Variants in SEMA6D observed in about 807,000 individuals in gnomAD.
The protein encoded by SEMA6D is semaphorin-6D.
In SEMA6D, 35 loss-of-function variants were observed where a neutral mutation model predicts 106.6. That is an observed-to-expected ratio of 0.33 (90% CI 0.25 to 0.44). The LOEUF (loss-of-function observed/expected upper bound fraction) is 0.44. Ranked by LOEUF, SEMA6D falls within the 20% of genes least tolerant of loss-of-function variation. The pLI, the probability that SEMA6D is intolerant of heterozygous loss-of-function variation, is 1.00. For synonymous variants in SEMA6D, 499 were observed against 487.7 expected (o/e 1.02, Z -0.31); for missense variants, 1,185 against 1,345.9 (o/e 0.88, Z 1.87).
At chr15:47,227,143 C>T (rs1356313212) in intron 1 of SEMA6D, among the ~76,000 whole-genome samples, 1 of 152,014 alleles carries the variant, frequency 6.6e-6, no homozygotes, top group African/African-American at 2.4e-5. Flanking sequence ...ATCATCAGGG[C>T]ATCATTGTAT....
At chr15:47,591,401 T>G (rs1247406475) in intron 3 of SEMA6D, among the ~76,000 whole-genome samples, 1 of 152,124 alleles carries the variant, frequency 6.6e-6, no homozygotes, top group Non-Finnish European at 1.5e-5. Flanking sequence ...GTCCAGAGGC[T>G]TCTCCACATG....
intron 1 of SEMA6D, among the ~76,000 whole-genome samples, chr15:47,278,991 G>C (rs1022615088): frequency 3.5e-5 from 5 of 142,796 alleles, no homozygotes; most frequent in Non-Finnish European, 4.5e-5. Flanking sequence ...TTTGGCACCA[G>C]TACCATGCTG....
intron 1 of SEMA6D, chr15:47,730,218 G>A (rs1596825760): frequency 3.2e-6 from 5 of 1,539,464 alleles, no homozygotes; most frequent in Middle Eastern, 2.3e-4. Flanking sequence ...TTAGGATCCA[G>A]GACGTTGCCG....
intron 4 of SEMA6D, among the ~76,000 whole-genome samples, chr15:47,668,532 G>C (rs1295703546): frequency 1.3e-5 from 2 of 152,096 alleles, no homozygotes; most frequent in Admixed American, 6.6e-5. Context: ...GTCCACCCTA[G>C]CTTCCATTCC....
chr15:47,586,650 A>G (rs927877292), intron 3 of SEMA6D, among the ~76,000 whole-genome samples: 1 of 152,146 alleles, frequency 6.6e-6, no homozygotes, highest in Non-Finnish European at 1.5e-5. Flanking sequence ...AGCATTTTAC[A>G]ATGGAGTTCT....
intron 1 of SEMA6D, among the ~76,000 whole-genome samples, chr15:47,257,385 C>T (rs571810417): frequency 6.6e-6 from 1 of 152,270 alleles, no homozygotes; most frequent in Admixed American, 6.5e-5. Flanking sequence ...TAGGTAGGAA[C>T]TTCAATTATT....
chr15:47,198,719 C>T (rs963216126), intron 1 of SEMA6D, among the ~76,000 whole-genome samples: 2 of 152,048 alleles, frequency 1.3e-5, no homozygotes, highest in African/African-American at 4.8e-5. Context: ...AGCAAGAGAA[C>T]CAGGATTCAA....
intron 1 of SEMA6D, among the ~76,000 whole-genome samples, chr15:47,311,984 G>T (rs1358715060): frequency 1.3e-4 from 20 of 152,118 alleles, no homozygotes; most frequent in Admixed American, 1.3e-3. Context: ...ATCCAGTATA[G>T]CACCTTACTG....
chr15:47,604,818 T>A (rs955913390), intron 4 of SEMA6D, among the ~76,000 whole-genome samples: 3 of 151,938 alleles, frequency 2.0e-5, no homozygotes, highest in Non-Finnish European at 4.4e-5. Flanking sequence ...TGCCTCAGTC[T>A]CCCGAGTAGC....
chr15:47,754,051 A>G (rs773022953), intron 1 of SEMA6D, among the ~76,000 whole-genome samples: 12 of 152,158 alleles, frequency 7.9e-5, no homozygotes, highest in Admixed American at 1.3e-4. Context: ...CACTTTCTCT[A>G]TCTGGGATTC....
chr15:47,288,559 C>A (rs911314123), intron 1 of SEMA6D, among the ~76,000 whole-genome samples: 1 of 152,140 alleles, frequency 6.6e-6, no homozygotes, highest in African/African-American at 2.4e-5. Context: ...GTCTGGTTAT[C>A]CCTCCACAGA....
intron 3 of SEMA6D, among the ~76,000 whole-genome samples, chr15:47,588,260 C>T (rs2076378654): frequency 1.3e-5 from 2 of 152,218 alleles, no homozygotes; most frequent in African/African-American, 4.8e-5. Flanking sequence ...TCTGCAGAGA[C>T]ATTGCCTTTT....
At chr15:47,675,466 G>A (rs911927999) in intron 4 of SEMA6D, among the ~76,000 whole-genome samples, 50 of 152,118 alleles carry the variant, frequency 3.3e-4, no homozygotes, top group Admixed American at 2.0e-3. Flanking sequence ...GTAGTCATCT[G>A]CAAGACAAGG....
At chr15:47,480,834 C>G (rs1008362656) in intron 3 of SEMA6D, among the ~76,000 whole-genome samples, 1 of 152,110 alleles carries the variant, frequency 6.6e-6, no homozygotes, top group Non-Finnish European at 1.5e-5. Context: ...TTCCTCCAAC[C>G]CTGTTGTCTT....
intron 1 of SEMA6D, among the ~76,000 whole-genome samples, chr15:47,751,718 G>A (rs1404954995): frequency 6.6e-6 from 1 of 152,134 alleles, no homozygotes; most frequent in East Asian, 1.9e-4. Flanking sequence ...TGCTAACCTT[G>A]CGCTAAGAGA....
intron 1 of SEMA6D, among the ~76,000 whole-genome samples, chr15:47,271,710 T>C (rs1003799336): frequency 6.6e-6 from 1 of 152,046 alleles, no homozygotes; most frequent in South Asian, 2.1e-4. Flanking sequence ...AGGCATGTTT[T>C]AAAAAGGTAT....
intron 4 of SEMA6D, among the ~76,000 whole-genome samples, chr15:47,660,480 A>C (rs923146412): frequency 6.6e-6 from 1 of 152,152 alleles, no homozygotes; most frequent in Non-Finnish European, 1.5e-5. Context: ...GAAAGCATAT[A>C]TGGGATGTGG....
intron 2 of SEMA6D, among the ~76,000 whole-genome samples, chr15:47,438,895 C>T (rs1053408368): frequency 6.6e-6 from 1 of 151,960 alleles, no homozygotes; most frequent in Admixed American, 6.6e-5. Flanking sequence ...ACAACAGATG[C>T]ACAATCAATA....
chr15:47,719,735 T>C (rs1038006750), intron 1 of SEMA6D, among the ~76,000 whole-genome samples: 1 of 152,232 alleles, frequency 6.6e-6, no homozygotes, highest in Non-Finnish European at 1.5e-5. Flanking sequence ...AGGATTTTAC[T>C]CTCCTTTGGT....
Sources: gnomAD v4.1 joint callset for allele counts (sites outside exome capture counted in the v4.1 genomes callset) on GRCh38, gnomAD v4.1.1 for gene constraint, MANE v1.5 for transcripts, NCBI Gene and HGNC (gene_info 2026-07-23, HGNC 2026-07-21) for gene names.